The following SETDB1 variants were observed in gnomAD, a reference collection of about 807,000 sequenced individuals.
The protein encoded by SETDB1 is SET domain bifurcated histone lysine methyltransferase 1.
Under a neutral mutation model 137.4 loss-of-function variants are expected in SETDB1, and 31 were observed. The ratio of observed to expected loss-of-function variants is 0.23; its 90% CI spans 0.17 to 0.30. The LOEUF is 0.30. SETDB1 is among the 10% of genes least tolerant of loss of function. The pLI is 1.00. For missense variants in SETDB1, 1,113 were observed against 1,631.5 expected (o/e 0.68, Z 5.47); for synonymous variants, 548 against 579.9 (o/e 0.95, Z 0.79).
chr1:150,949,080 T>G, intron 10 of SETDB1, 42 bp from the exon 11 acceptor site: 1 of 1,579,548 alleles, frequency 6.3e-7, no homozygotes, highest in Non-Finnish European at 8.7e-7. Flanking sequence ...ACAAGCGTCA[T>G]AGCTATCATC....
rs1046777401 is a variant in SETDB1 at position 150,936,873 on chromosome 1, T to C, written c.413-3067T>C. On this transcript the variant is annotated intron_variant, in intron 3 of 21. Transcript: ENST00000692827. ...CTCACAGTGGCTCACACCTGTAATC[T>C]CAGCACTTTGGGAGGCCGAGGCGGG... Among the ~76,000 whole-genome samples, 4 of 151,998 alleles carry C rather than the reference T, an allele frequency of 2.6e-5. No homozygotes were observed. In the East Asian group the frequency reaches 7.7e-4, roughly 29 times the overall value.
intron 3 of SETDB1, among the ~76,000 whole-genome samples, chr1:150,937,516 G>T (rs1669982699): frequency 6.6e-6 from 1 of 152,172 alleles, no homozygotes; most frequent in Non-Finnish European, 1.5e-5. Flanking sequence ...TACTCAGGAG[G>T]TTGAGGCAGG....
intron 15 of SETDB1, 86 bp from the exon 16 acceptor site, chr1:150,960,477 G>GAA (rs374284707): frequency 7.1e-3 from 5,272 of 745,000 alleles, no homozygotes; most frequent in Non-Finnish European, 7.9e-3. Context: ...ACTCCATCTG[G>GAA]AAAAAAAAAA....
Position 150,945,120 on chromosome 1 carries a change from C to T in SETDB1, c.1140+12C>T, listed in dbSNP as rs1480127709. ...GGATCCTCTTCCTGGTACTGTTCTT[C>T]TCTACAATTTTGGAGGCAGAGGTTG... is the stretch of plus-strand genomic sequence containing the variant. On this transcript the variant is annotated intron_variant, in intron 9 of 21. Transcript: ENST00000692827. 3.1e-6 allele frequency: 5 copies of T among 1,613,954 alleles called. No individual in the cohort carries two copies. The South Asian group carries it at 4.4e-5, about 14-fold the overall frequency.
Position 150,962,988 on chromosome 1 carries a change from G to C in SETDB1, c.3309G>C (p.Leu1103=). ...AQSNPDDVLT[L]SSSTESEGES... The stretch of plus-strand genomic sequence containing the variant: ...TGCTTCCCCAGGATGTCCTGACACT[G>C]TCCAGCAGCACAGAAAGTGAGGGGG... The change falls in exon 19 of 22, where the codon CTG becomes CTC. Residue 1103 remains leucine (L), a synonymous_variant. Coordinates refer to ENST00000692827, the MANE Select transcript of SETDB1 (RefSeq NM_001366418.1). The C allele has an allele frequency of 6.2e-7, 1 of 1,613,986 alleles. No homozygotes were observed. Among genetic ancestry groups the C allele is most frequent in the Non-Finnish European group, 8.5e-7 (1 of 1,179,946 alleles).
At chr1:150,960,517 T>TAAA in intron 15 of SETDB1, 46 bp from the exon 16 acceptor site, 4 of 1,080,374 alleles carry the variant, frequency 3.7e-6, no homozygotes, top group African/African-American at 3.8e-5. Context: ...AAAAAACTAA[T>TAAA]AGGTCCCCAT....
intron 3 of SETDB1, among the ~76,000 whole-genome samples, chr1:150,936,779 A>C (rs1490445032): frequency 1.3e-5 from 2 of 152,038 alleles, no homozygotes. Context: ...TCAGCCTCCC[A>C]AGTAGCTGAG....
chr1:150,933,045 TTGAATGAA>T lies in SETDB1; in HGVS notation c.412+2945_412+2952del, dbSNP rs57070760. 7.2e-3 allele frequency among the ~76,000 whole-genome samples: 1,089 copies of T among 151,178 alleles called. 11 individuals are homozygous for T. The highest frequency in any genetic ancestry group is 0.012 in the Non-Finnish European group (783 of 67,800). The stretch of plus-strand genomic sequence containing the variant: ...TATACTTTGTATAATTTTAGTCTTT[TTGAATGAA>T]TGAATGAATGAATGAATTGATTGAT... On this transcript the variant is annotated intron_variant, in intron 3 of 21. Transcript: ENST00000692827.
intron 14 of SETDB1, among the ~76,000 whole-genome samples, chr1:150,957,993 C>T (rs761925955): frequency 2.6e-5 from 4 of 152,096 alleles, no homozygotes; most frequent in Non-Finnish European, 5.9e-5. Context: ...TCGAGACCAG[C>T]CTGATCAACA....
intron 19 of SETDB1, 29 bp from the exon 20 acceptor site, chr1:150,963,501 G>A (rs1280014539): frequency 1.3e-6 from 2 of 1,574,554 alleles, no homozygotes; most frequent in African/African-American, 1.3e-5. Context: ...GTTGGGATGG[G>A]TCCTGACCCC....
Position 150,943,955 on chromosome 1 carries a change from A to G in SETDB1, c.911A>G (p.Tyr304Cys), listed in dbSNP as rs1250094191. 6 of 1,613,552 alleles carry G rather than the reference A, an allele frequency of 3.7e-6. No individual in the cohort carries two copies. Among genetic ancestry groups the G allele is most frequent in the Non-Finnish European group, 4.2e-6 (5 of 1,179,522 alleles). Residue 304 changes from tyrosine to cysteine, a missense_variant, in exon 8 of 22, where the codon TAT becomes TGT. Tyr to Cys is a radical substitution (Grantham distance 194). Coordinates refer to ENST00000692827, the MANE Select transcript of SETDB1 (RefSeq NM_001366418.1). Reference protein sequence around the residue: ...LIFFDDGYASYVTQSELYPIC... With the variant: ...LIFFDDGYASCVTQSELYPIC... ...TTCTTTGATGATGGCTATGCTTCCT[A>G]TGTCACACAGTCGGAACTGTATCCC...
chr1:150,946,596 G>A (rs1670338779), intron 9 of SETDB1, among the ~76,000 whole-genome samples: 1 of 151,686 alleles, frequency 6.6e-6, no homozygotes, highest in South Asian at 2.1e-4. Flanking sequence ...TTACAGGCAT[G>A]CGCCACCACA....
chr1:150,958,574 C>T (rs182697336), intron 14 of SETDB1, among the ~76,000 whole-genome samples: 19 of 152,062 alleles, frequency 1.2e-4, no homozygotes, highest in African/African-American at 4.6e-4. Flanking sequence ...GTTATGTTTC[C>T]AGTGTTTAGT....
At chr1:150,930,368 A>G (rs892276084) in intron 3 of SETDB1, 24 of 381,216 alleles carry the variant, frequency 6.3e-5, no homozygotes, top group Non-Finnish European at 1.1e-4. Context: ...GTATTCCATC[A>G]AAGAGTGGAA....
In SETDB1 at chr1:150,941,320, T is replaced by A. The variant is rs587759271; in HGVS notation, c.448-9T>A. The A allele has an allele frequency of 3.7e-5, 59 of 1,589,806 alleles. No individual in the cohort carries two copies. The East Asian group carries it at 1.3e-3, about 36-fold the overall frequency. ...TCAAAACTTGTTTTCCTCATCCCCTTTTCTACAGCTCCGTGAAGCTATGGC... is the reference window on the plus strand; with the variant it reads ...TCAAAACTTGTTTTCCTCATCCCCTATTCTACAGCTCCGTGAAGCTATGGC... On this transcript the variant is annotated splice_polypyrimidine_tract_variant and intron_variant, in intron 4 of 21. Coordinates refer to ENST00000692827, the MANE Select transcript of SETDB1 (RefSeq NM_001366418.1).
intron 16 of SETDB1, chr1:150,961,784 ATT>A (rs1670831256): frequency 1.0e-5 from 3 of 291,648 alleles, no homozygotes; most frequent in South Asian, 7.7e-5. Flanking sequence ...TATTCACATC[ATT>A]GTTTCCTTCT....
chr1:150,927,629 T>C, intron 1 of SETDB1, 75 bp from the exon 2 acceptor site: 1 of 1,349,138 alleles, frequency 7.4e-7, no homozygotes. Context: ...TTAGTTTTAT[T>C]AGGGAACTGA....
intron 16 of SETDB1, chr1:150,961,603 G>A (rs1437974076): frequency 1.5e-5 from 3 of 200,196 alleles, no homozygotes; most frequent in South Asian, 1.5e-4. Flanking sequence ...GCAGTGAGCC[G>A]AGATCGCACC....
At chr1:150,944,096 C>G (rs1304972216) in intron 8 of SETDB1, 103 bp downstream of exon 8, 1 of 835,460 alleles carries the variant, frequency 1.2e-6, no homozygotes, top group Non-Finnish European at 2.1e-6. Flanking sequence ...GTATTTCAGT[C>G]TCAAAGAGCA....
Sources: gnomAD v4.1 joint callset for allele counts (sites outside exome capture counted in the v4.1 genomes callset) on GRCh38, gnomAD v4.1.1 for gene constraint, MANE v1.5 for transcripts, NCBI Gene and HGNC (gene_info 2026-07-23, HGNC 2026-07-21) for gene names.